The following RERE variants were observed in gnomAD, a reference collection of about 807,000 sequenced individuals.
The protein encoded by RERE is arginine-glutamic acid dipeptide repeats protein.
In RERE, 40 loss-of-function variants were observed where a neutral mutation model predicts 146.1. The ratio of observed to expected loss-of-function variants is 0.27; its 90% CI spans 0.21 to 0.36. RERE has a LOEUF of 0.36. RERE is among the 10% of genes least tolerant of loss of function. The pLI, the probability that RERE is intolerant of heterozygous loss-of-function variation, is 1.00. For missense variants in RERE, 1,933 were observed against 2,138.7 expected, an observed-to-expected ratio of 0.90 and a Z score of 1.90; for synonymous variants, 1,003 against 866.0, an observed-to-expected ratio of 1.16 and a Z score of -2.78.
chr1:8,703,244 G>A (rs1219287648), intron 1 of RERE: 3 of 150,144 alleles, frequency 2.0e-5, no homozygotes, highest in East Asian at 1.9e-4. Context: ...GCGGGCGCAG[G>A]TCCCGGCGGC....
At chr1:8,632,712 T>C (rs941867815) in intron 2 of RERE, among the ~76,000 whole-genome samples, 1 of 152,186 alleles carries the variant, frequency 6.6e-6, no homozygotes, top group African/African-American at 2.4e-5. Context: ...CACCAATTAT[T>C]TTCCTGTACT....
rs1553177481 is a variant in RERE at position 8,507,735 on chromosome 1, A to ATCTTTT, written c.879+886_879+891dup. ...GGAAAAGAGGTTTTAAACATCTTTT[A>ATCTTTT]TCTTTTTTTTTTTTTTTTTTTGAGA... On this transcript the variant is annotated intron_variant, in intron 8 of 22. Transcript: ENST00000400908. 3.6e-3 allele frequency among the ~76,000 whole-genome samples: 150 copies of ATCTTTT among 41,418 alleles called. 7 individuals carry two copies. The highest frequency in any genetic ancestry group is 0.021 in the African/African-American group (145 of 7,048). The allele number at this position is 41,418 out of a possible 152,430, so 27.2% of individuals were successfully genotyped here. A position where few individuals can be genotyped will look rare whatever the true frequency, so the allele number is the denominator to read the frequency against.
intron 10 of RERE, among the ~76,000 whole-genome samples, 164 bp downstream of exon 10, chr1:8,494,899 C>T (rs1177834169): frequency 6.6e-6 from 1 of 152,122 alleles, no homozygotes; most frequent in Non-Finnish European, 1.5e-5. Context: ...CCTGCAGGTG[C>T]CACATCACTG....
chr1:8,356,679 TA>T lies in RERE; in HGVS notation c.4340-434del, dbSNP rs1264259651. Among the ~76,000 whole-genome samples the T allele has an allele frequency of 6.6e-6, 1 of 152,110 alleles. No homozygotes were observed. The highest frequency in any genetic ancestry group is 2.4e-5 in the African/African-American group (1 of 41,430). ...CTCCCTGCTCTTCACTCGCAGAACC[TA>T]AAGGAGGCCAGCAGAGTGGGTGGCG... On this transcript the variant is annotated intron_variant, in intron 20 of 22. Coordinates refer to ENST00000400908, the MANE Select transcript of RERE (RefSeq NM_001042681.2). The surrounding 1 kb of genome is among the most constrained non-coding windows in gnomAD (Gnocchi z 5.2).
intron 1 of RERE, among the ~76,000 whole-genome samples, chr1:8,711,221 A>G (rs373630845): frequency 6.6e-6 from 1 of 150,888 alleles, no homozygotes; most frequent in Non-Finnish European, 1.5e-5. Flanking sequence ...TATTTAAAGT[A>G]TTATATCATG....
chr1:8,585,158 A>AG (rs895611794), intron 4 of RERE, among the ~76,000 whole-genome samples: 4 of 151,818 alleles, frequency 2.6e-5, no homozygotes, highest in Non-Finnish European at 5.9e-5. Context: ...AAAAAAAAAA[A>AG]AAAGAAGTAA....
At chr1:8,396,721 C>G (rs1421009503) in intron 12 of RERE, among the ~76,000 whole-genome samples, 1 of 152,134 alleles carries the variant, frequency 6.6e-6, no homozygotes, top group Admixed American at 6.5e-5. Flanking sequence ...AATTCAGAGG[C>G]AGTTAATACA....
chr1:8,773,618 G>A (rs1557534193), intron 1 of RERE, among the ~76,000 whole-genome samples: 3 of 152,204 alleles, frequency 2.0e-5, no homozygotes, highest in Non-Finnish European at 4.4e-5. Context: ...AAGGTGAGGA[G>A]TTCGAGACCA....
At position 8,748,701 on chromosome 1, in the gene RERE, A is replaced by C. The variant is rs1023866837; in HGVS notation, c.-145+68459T>G. Among the ~76,000 whole-genome samples, 4 of 152,066 alleles carry C rather than the reference A, an allele frequency of 2.6e-5. No homozygotes were observed. The South Asian group carries it at 8.3e-4, about 32-fold the overall frequency. Reference sequence around the variant, plus strand: ...TCATTAATATCGCCAAGTACGAAAAACCTGGTGATTGCTCAATTTCTCCTT... The same window carrying C: ...TCATTAATATCGCCAAGTACGAAAACCCTGGTGATTGCTCAATTTCTCCTT... On this transcript the variant is annotated intron_variant, in intron 1 of 22. Transcript: ENST00000400908.
intron 1 of RERE, among the ~76,000 whole-genome samples, chr1:8,776,076 T>A (rs1336497803): frequency 1.3e-5 from 2 of 152,230 alleles, no homozygotes; most frequent in Admixed American, 1.3e-4. Flanking sequence ...TTCATTATAT[T>A]CAAGTAAACA....
chr1:8,366,916 C>CAAAAAAAAAAACAAAAAAAAAAAAA (rs1641823288), intron 12 of RERE, among the ~76,000 whole-genome samples: 3 of 107,684 alleles, frequency 2.8e-5, no homozygotes, highest in Non-Finnish European at 5.5e-5. Context: ...AAAAAAAAAA[C>CAAAAAAAAAAACAAAAAAAAAAAAA]AAAAAAAAAA....
intron 8 of RERE, 39 bp from the exon 9 acceptor site, chr1:8,497,568 T>C (rs1645062031): frequency 6.2e-7 from 1 of 1,610,184 alleles, no homozygotes; most frequent in Admixed American, 1.7e-5. Context: ...TCAAGGCATG[T>C]ATTAATTATA....
chr1:8,487,312 G>C (rs966592757), intron 10 of RERE, among the ~76,000 whole-genome samples: 8 of 152,278 alleles, frequency 5.3e-5, no homozygotes, highest in African/African-American at 1.9e-4. Flanking sequence ...GCCAGGTGCA[G>C]TGGCTTACAC....
At chr1:8,703,399 C>A (rs545639079) in intron 1 of RERE, among the ~76,000 whole-genome samples, 40 of 151,838 alleles carry the variant, frequency 2.6e-4, no homozygotes, top group African/African-American at 9.4e-4. Flanking sequence ...CTGCCACATG[C>A]CGGTGACCCA....
At chr1:8,548,544 T>C (rs927066189) in intron 6 of RERE, among the ~76,000 whole-genome samples, 3 of 151,896 alleles carry the variant, frequency 2.0e-5, no homozygotes, top group Non-Finnish European at 4.4e-5. Context: ...AATAAACGGG[T>C]TTCTCACCAA....
intron 7 of RERE, among the ~76,000 whole-genome samples, chr1:8,531,213 G>C (rs921841019): frequency 1.3e-5 from 2 of 152,124 alleles, no homozygotes; most frequent in African/African-American, 4.8e-5. Flanking sequence ...AGAGGCCGAA[G>C]TGGTGGGTGA....
At chr1:8,586,911 G>A (rs1388981717) in intron 4 of RERE, among the ~76,000 whole-genome samples, 1 of 152,180 alleles carries the variant, frequency 6.6e-6, no homozygotes, top group Non-Finnish European at 1.5e-5. Flanking sequence ...CCAGTCTGGA[G>A]TGATCAGAAT....
intron 2 of RERE, among the ~76,000 whole-genome samples, chr1:8,633,769 G>GA (rs540543592): frequency 4.7e-5 from 7 of 148,178 alleles, no homozygotes; most frequent in Admixed American, 1.3e-4. Flanking sequence ...TCTACAAAAA[G>GA]AAAAAAAAAA....
intron 10 of RERE, among the ~76,000 whole-genome samples, chr1:8,470,150 C>G (rs1644661221): frequency 6.6e-6 from 1 of 152,136 alleles, no homozygotes; most frequent in African/African-American, 2.4e-5. Flanking sequence ...AGTCCCTATT[C>G]CTGAGTTTCC....
Sources: allele counts gnomAD v4.1 joint callset (sites outside exome capture counted in the v4.1 genomes callset), GRCh38; gene constraint gnomAD v4.1.1; non-coding constraint Gnocchi (gnomAD v3.1); transcripts MANE v1.5; gene names NCBI Gene and HGNC (gene_info 2026-07-23, HGNC 2026-07-21).